The following C12orf56 variants were observed in gnomAD, a reference collection of about 807,000 sequenced individuals.
C12orf56 encodes the protein chromosome 12 open reading frame 56.
C12orf56 carries 71 observed loss-of-function variants against 69.9 expected under a neutral mutation model. That is an observed-to-expected ratio of 1.02 (90% CI 0.84 to 1.24). C12orf56 has a LOEUF of 1.24. Ranked by LOEUF, C12orf56 falls within the 50% of genes most tolerant of loss-of-function variation. The pLI is 0.00. For synonymous variants in C12orf56, 276 were observed against 274.1 expected (o/e 1.01, Z -0.07); for missense variants, 732 against 738.5 (o/e 0.99, Z 0.10).
chr12:64,335,215 G>A lies in C12orf56; in HGVS notation c.416-4183C>T, dbSNP rs376026379. Among the ~76,000 whole-genome samples, 194 of 152,140 alleles carry A rather than the reference G, an allele frequency of 1.3e-3. 1 individual carries two copies. The highest frequency in any genetic ancestry group is 4.2e-3 in the African/African-American group (174 of 41,536). ...GCGGATCACCTGAGGTCAGGAGTTC[G>A]TGACCAGCCTGGCCAACATAGAGAA... On this transcript the variant is annotated intron_variant, in intron 2 of 12. Coordinates refer to ENST00000543942, the MANE Select transcript of C12orf56 (RefSeq NM_001170633.2).
intron 1 of C12orf56, among the ~76,000 whole-genome samples, chr12:64,384,947 G>C (rs551541211): frequency 1.3e-5 from 2 of 151,716 alleles, no homozygotes; most frequent in Admixed American, 1.3e-4. Flanking sequence ...CCAGCTACCC[G>C]AGAGGCTGAG....
intron 6 of C12orf56, among the ~76,000 whole-genome samples, chr12:64,300,914 G>A (rs1367843047): frequency 6.6e-6 from 1 of 152,136 alleles, no homozygotes. Flanking sequence ...AATCCCCACT[G>A]TCGAGGGAGG....
chr12:64,287,337 C>G (rs1236251169), intron 6 of C12orf56, among the ~76,000 whole-genome samples: 2 of 150,046 alleles, frequency 1.3e-5, no homozygotes, highest in African/African-American at 4.9e-5. Flanking sequence ...CATAGTGTGG[C>G]AGTTTTTTTT....
chr12:64,318,820 C>G lies in C12orf56; in HGVS notation c.649G>C (p.Glu217Gln). ...TTTGTGTTTGTTGTGCAAGATGGCTCGCTGACAGCCTTGCCAGTTGTTGGT... is the reference window on the plus strand; with the variant it reads ...TTTGTGTTTGTTGTGCAAGATGGCTGGCTGACAGCCTTGCCAGTTGTTGGT... Reference protein sequence around the residue: ...SAPTTGKAVSEPSCTTNTKEP... With the variant: ...SAPTTGKAVSQPSCTTNTKEP... The change falls in exon 4 of 13, where the codon GAG becomes CAG. Residue 217 changes from glutamate (E) to glutamine (Q), a missense_variant. Glu to Gln is a conservative substitution (Grantham distance 29, BLOSUM62 2). Transcript: ENST00000543942. 2.6e-6 allele frequency: 4 copies of G among 1,537,180 alleles called. No individual in the cohort carries two copies. Among genetic ancestry groups the G allele is most frequent in the East Asian group, 2.4e-5 (1 of 40,916 alleles).
intron 12 of C12orf56, among the ~76,000 whole-genome samples, chr12:64,269,777 C>G: frequency 6.6e-6 from 1 of 151,712 alleles, no homozygotes; most frequent in East Asian, 1.9e-4. Context: ...TTAGTAGAGA[C>G]GGGGTTTCAC....
At chr12:64,332,458 C>T (rs974016723) in intron 2 of C12orf56, among the ~76,000 whole-genome samples, 1 of 152,106 alleles carries the variant, frequency 6.6e-6, no homozygotes, top group Admixed American at 6.6e-5. Context: ...AATTTAAGAG[C>T]ACAGGGTCTT....
chr12:64,283,228 C>T (rs1191470145), intron 8 of C12orf56, among the ~76,000 whole-genome samples: 1 of 152,016 alleles, frequency 6.6e-6, no homozygotes, highest in Non-Finnish European at 1.5e-5. Flanking sequence ...CCTGTAATCC[C>T]AGCTACTTGG....
At chr12:64,322,031 G>A (rs1256516649) in intron 3 of C12orf56, among the ~76,000 whole-genome samples, 1 of 145,460 alleles carries the variant, frequency 6.9e-6, no homozygotes, top group Non-Finnish European at 1.5e-5. Flanking sequence ...TATTTTTAGA[G>A]ACAGAGTCTC....
At chr12:64,339,838 A>C (rs1327913436) in intron 2 of C12orf56, among the ~76,000 whole-genome samples, 3 of 152,072 alleles carry the variant, frequency 2.0e-5, no homozygotes, top group Non-Finnish European at 4.4e-5. Flanking sequence ...TGGAATTACA[A>C]GTGTGAGCCA....
chr12:64,306,817 A>T (rs900320622), intron 5 of C12orf56, among the ~76,000 whole-genome samples: 7 of 152,182 alleles, frequency 4.6e-5, no homozygotes, highest in African/African-American at 1.7e-4. Context: ...TATGATTTTC[A>T]CAGTGGTCAG....
At chr12:64,361,737 CT>C (rs879816279) in intron 1 of C12orf56, among the ~76,000 whole-genome samples, 73 of 146,316 alleles carry the variant, frequency 5.0e-4, no homozygotes, top group Non-Finnish European at 5.3e-4. Context: ...TCTTCCTTTA[CT>C]TTTTTTTTTT....
intron 1 of C12orf56, among the ~76,000 whole-genome samples, chr12:64,369,358 C>T (rs914296883): frequency 3.3e-5 from 5 of 151,862 alleles, no homozygotes; most frequent in African/African-American, 1.2e-4. Context: ...CCACCACGCC[C>T]GGCTAATTTT....
intron 6 of C12orf56, among the ~76,000 whole-genome samples, chr12:64,287,210 C>A (rs1370190315): frequency 7.0e-6 from 1 of 143,126 alleles, no homozygotes; most frequent in Non-Finnish European, 1.5e-5. Context: ...CGCCACTGCA[C>A]TCCAGACTGG....
chr12:64,314,937 CTTTTTTTTTTTTTTT>C (rs534106623), intron 4 of C12orf56, among the ~76,000 whole-genome samples: 2 of 44,642 alleles, frequency 4.5e-5, no homozygotes, highest in Non-Finnish European at 7.5e-5. Flanking sequence ...ATCCGGCCAG[CTTTTTTTTTTTTTTT>C]TTTTTTTTTT....
intron 1 of C12orf56, among the ~76,000 whole-genome samples, chr12:64,360,986 G>A (rs745748001): frequency 1.3e-5 from 2 of 152,150 alleles, no homozygotes; most frequent in Admixed American, 1.3e-4. Flanking sequence ...TTGGGAGGCC[G>A]AGATGGGCGT....
At chr12:64,380,585 T>C (rs1387387906) in intron 1 of C12orf56, among the ~76,000 whole-genome samples, 1 of 152,104 alleles carries the variant, frequency 6.6e-6, no homozygotes, top group Non-Finnish European at 1.5e-5. Flanking sequence ...ATGCAAATAG[T>C]GATAACTACT....
chr12:64,371,031 A>G (rs2039563646), intron 1 of C12orf56, among the ~76,000 whole-genome samples: 1 of 152,172 alleles, frequency 6.6e-6, no homozygotes, highest in South Asian at 2.1e-4. Flanking sequence ...TAGAGAACCC[A>G]GAAATAAACC....
chr12:64,330,669 C>T (rs2038917649), intron 3 of C12orf56, among the ~76,000 whole-genome samples: 1 of 152,172 alleles, frequency 6.6e-6, no homozygotes, highest in African/African-American at 2.4e-5. Context: ...GTGCCCTACA[C>T]AGAACCAGAG....
In C12orf56 at chr12:64,265,258, T is replaced by C. The variant is rs1265871462; in HGVS notation, c.*1925A>G. On this transcript the variant is annotated 3_prime_UTR_variant, in exon 13 of 13. Coordinates refer to ENST00000543942, the MANE Select transcript of C12orf56 (RefSeq NM_001170633.2). ...ACAGCCAGGACACTCAAAAACACCA[T>C]TTTGCTCCTCTCTCTCTGCCCCCAA... 1 of 152,166 alleles carries C rather than the reference T, an allele frequency of 6.6e-6. No individual in the cohort carries two copies. 9.4% of individuals were successfully genotyped at this position (152,166 alleles called of 1,614,324 possible).
Sources: gnomAD v4.1 joint callset for allele counts (sites outside exome capture counted in the v4.1 genomes callset) on GRCh38, gnomAD v4.1.1 for gene constraint, MANE v1.5 for transcripts, NCBI Gene and HGNC (gene_info 2026-07-23, HGNC 2026-07-21) for gene names.